NCF2: variants seen among roughly 807,000 people sequenced by gnomAD.
The protein encoded by NCF2 is neutrophil cytosolic factor 2, also known as neutrophil cytosol factor 2.
A neutral mutation model predicts 70.9 loss-of-function variants in NCF2; 45 were observed. The observed-to-expected ratio is 0.63, with a 90% CI of 0.50 to 0.81. NCF2 has a LOEUF of 0.81. Among genes scored for constraint, NCF2 ranks in the 40% least tolerant of loss-of-function variants. The pLI, the probability that NCF2 is intolerant of heterozygous loss-of-function variation, is 0.00. For synonymous variants in NCF2, 203 were observed against 233.6 expected (o/e 0.87, Z 1.19); for missense variants, 522 against 631.6 (o/e 0.83, Z 1.86).
intron 14 of NCF2, among the ~76,000 whole-genome samples, chr1:183,557,802 G>C (rs995532752): frequency 6.6e-6 from 1 of 152,108 alleles, no homozygotes; most frequent in Non-Finnish European, 1.5e-5. Context: ...GGCACTTGGA[G>C]GTGTTCAACC....
rs181715462 is a variant in NCF2 at position 183,586,227 on chromosome 1, G to A, written c.257+668C>T. Among the ~76,000 whole-genome samples, 808 of 152,292 alleles carry A rather than the reference G, an allele frequency of 5.3e-3. 10 individuals are homozygous for A. Among genetic ancestry groups the A allele is most frequent in the African/African-American group, 0.018 (745 of 41,576 alleles). On this transcript the variant is annotated intron_variant, in intron 2 of 14. Coordinates refer to ENST00000367535, the MANE Select transcript of NCF2 (RefSeq NM_000433.4). ...CGCATGCCTGTAGTCCCAGCTACTC[G>A]GGAGGGTAAGCCAGGAGAATCGCTT...
chr1:183,580,051 G>T (rs1423114539), intron 2 of NCF2, among the ~76,000 whole-genome samples: 1 of 152,184 alleles, frequency 6.6e-6, no homozygotes, highest in Non-Finnish European at 1.5e-5. Context: ...CTGAGCACAA[G>T]GGCTGGTTGG....
intron 2 of NCF2, among the ~76,000 whole-genome samples, chr1:183,583,181 T>C (rs1215501953): frequency 6.6e-6 from 1 of 152,152 alleles, no homozygotes; most frequent in Non-Finnish European, 1.5e-5. Flanking sequence ...GCGTCCCAAG[T>C]AGCTGGGATT....
In NCF2 at chr1:183,564,027, T is replaced by A. The variant is rs1405222204; in HGVS notation, c.1004A>T (p.Gln335Leu). 3 of 1,610,966 alleles carry A rather than the reference T, an allele frequency of 1.9e-6. No individual in the cohort carries two copies. The change falls in exon 11 of 15, where the codon CAG (glutamine) becomes CTG (leucine). Residue 335 changes from glutamine (Q) to leucine (L), a missense_variant. Physicochemically the swap from Gln to Leu is moderately radical, Grantham distance 113. Coordinates refer to ENST00000367535, the MANE Select transcript of NCF2 (RefSeq NM_000433.4). ...TACCTTAGGCTCTTCTTTTTGTTTC[T>A]GGCCTGAATGGAAAAAGTAGGGAGT... The part of the protein sequence containing the change: ...APGRPQLSPG[Q>L]KQKEEPKEVK...
chr1:183,599,110 AG>A, the NCF2 span, among the ~76,000 whole-genome samples: 2 of 152,238 alleles, frequency 1.3e-5, no homozygotes, highest in Non-Finnish European at 2.9e-5. Flanking sequence ...GACCAGGTAC[AG>A]CGGCTCATGC....
chr1:183,583,847 T>C (rs903777052), intron 2 of NCF2, among the ~76,000 whole-genome samples: 2 of 152,196 alleles, frequency 1.3e-5, no homozygotes, highest in African/African-American at 2.4e-5. Flanking sequence ...TGGAAGCCAC[T>C]GGAAGTTCTC....
the NCF2 span, among the ~76,000 whole-genome samples, chr1:183,601,142 C>T: frequency 2.0e-5 from 3 of 152,212 alleles, no homozygotes; most frequent in South Asian, 4.1e-4. Flanking sequence ...TGGTATTCTT[C>T]CCTCAGAGAA....
intron 2 of NCF2, among the ~76,000 whole-genome samples, chr1:183,584,639 G>A (rs775786651): frequency 1.3e-5 from 2 of 152,124 alleles, no homozygotes; most frequent in South Asian, 2.1e-4. Flanking sequence ...ACTATTAGAG[G>A]TCACTAAGGA....
chr1:183,557,745 A>G (rs1671856559), intron 14 of NCF2, among the ~76,000 whole-genome samples: 1 of 152,156 alleles, frequency 6.6e-6, no homozygotes, highest in Admixed American at 6.5e-5. Context: ...CCCTCTCCCA[A>G]ACTCCAGACA....
At chr1:183,598,738 C>T in the NCF2 span, among the ~76,000 whole-genome samples, 1 of 152,114 alleles carries the variant, frequency 6.6e-6, no homozygotes, top group East Asian at 1.9e-4. Flanking sequence ...TTGCTTCCAG[C>T]TATACAGATA....
chr1:183,565,901 A>T, intron 9 of NCF2, 122 bp from the exon 10 acceptor site: 1 of 953,672 alleles, frequency 1.0e-6, no homozygotes, highest in Non-Finnish European at 1.7e-6. Context: ...AACGTCCTAA[A>T]AGTTGGAATG....
In NCF2 at chr1:183,564,194, C is replaced by T. The variant is rs72550878; in HGVS notation, c.1001-164G>A. 556 of 746,802 alleles carry T rather than the reference C, an allele frequency of 7.4e-4. 1 individual carries two copies. In the African/African-American group the frequency reaches 8.6e-3, roughly 12 times the overall value. The allele number at this position is 746,802 out of a possible 1,614,324, so 46.3% of individuals were successfully genotyped here. Reference sequence around the variant, plus strand: ...CCTTAGTAAACTGTGGGGAAAATCTCGCCCTGGGGAAGCATGAAGGTCATG... The same window carrying T: ...CCTTAGTAAACTGTGGGGAAAATCTTGCCCTGGGGAAGCATGAAGGTCATG... On this transcript the variant is annotated intron_variant, in intron 10 of 14. Coordinates refer to ENST00000367535, the MANE Select transcript of NCF2 (RefSeq NM_000433.4).
intron 2 of NCF2, among the ~76,000 whole-genome samples, chr1:183,579,874 G>T (rs953951085): frequency 1.3e-5 from 2 of 151,216 alleles, no homozygotes; most frequent in African/African-American, 4.9e-5. Flanking sequence ...TTTTACTATT[G>T]TTTTTGTTGT....
chr1:183,563,914 C>T, intron 11 of NCF2, 91 bp downstream of exon 11: 3 of 1,444,096 alleles, frequency 2.1e-6, no homozygotes, highest in Non-Finnish European at 2.9e-6. Flanking sequence ...CTTTGGGGCT[C>T]TTCCTATAAT....
At chr1:183,557,484 C>T (rs534281662) in intron 14 of NCF2, among the ~76,000 whole-genome samples, 1 of 152,188 alleles carries the variant, frequency 6.6e-6, no homozygotes, top group Non-Finnish European at 1.5e-5. Flanking sequence ...TAGGAAGATT[C>T]GCAGGTGATT....
chr1:183,560,667 C>T (rs1191719130), intron 13 of NCF2, among the ~76,000 whole-genome samples: 3 of 152,242 alleles, frequency 2.0e-5, no homozygotes, highest in Non-Finnish European at 4.4e-5. Context: ...AATGCTGCTG[C>T]TGATCTGACA....
chr1:183,560,384 A>C, intron 13 of NCF2, 111 bp from the exon 14 acceptor site: 2 of 1,251,232 alleles, frequency 1.6e-6, no homozygotes, highest in South Asian at 2.4e-5. Flanking sequence ...ATAAACTCAT[A>C]AAGTTTGTGA....
intron 2 of NCF2, among the ~76,000 whole-genome samples, chr1:183,581,841 G>A (rs911887031): frequency 1.3e-5 from 2 of 152,038 alleles, no homozygotes; most frequent in African/African-American, 4.8e-5. Flanking sequence ...CTAATTTTTT[G>A]TGTTTTTAGT....
chr1:183,592,451 T>C (rs1441835969), upstream of NCF2, among the ~76,000 whole-genome samples: 2 of 152,218 alleles, frequency 1.3e-5, no homozygotes, highest in African/African-American at 4.8e-5. Flanking sequence ...GCATCATACT[T>C]ACTGCAATTT....
Sources: gnomAD v4.1 joint callset for allele counts (sites outside exome capture counted in the v4.1 genomes callset) on GRCh38, gnomAD v4.1.1 for gene constraint, MANE v1.5 for transcripts, NCBI Gene and HGNC (gene_info 2026-07-23, HGNC 2026-07-21) for gene names.